The following LAMA2 variants were observed in gnomAD, a reference collection of about 807,000 sequenced individuals.
LAMA2 encodes the protein laminin subunit alpha 2.
Under a neutral mutation model 364.8 loss-of-function variants are expected in LAMA2, and 269 were observed. That is an observed-to-expected ratio of 0.74 (90% CI 0.67 to 0.82). The LOEUF (loss-of-function observed/expected upper bound fraction) is 0.82, where lower values mean the gene tolerates loss of function less well. Among genes scored for constraint, LAMA2 ranks in the 40% least tolerant of loss-of-function variants. The pLI is 0.00. For synonymous variants in LAMA2, 1,379 were observed against 1,370.6 expected (o/e 1.01, Z -0.14); for missense variants, 3,807 against 3,873.2 (o/e 0.98, Z 0.45).
intron 3 of LAMA2, among the ~76,000 whole-genome samples, chr6:129,067,090 A>G (rs1317415478): frequency 6.6e-6 from 1 of 152,244 alleles, no homozygotes; most frequent in East Asian, 1.9e-4. Flanking sequence ...ACTGAAACAC[A>G]TCTGGATAAC....
At chr6:129,472,841 T>C (rs1381681908) in intron 51 of LAMA2, among the ~76,000 whole-genome samples, 1 of 152,022 alleles carries the variant, frequency 6.6e-6, no homozygotes, top group Non-Finnish European at 1.5e-5. Flanking sequence ...TAATTAATTA[T>C]CTGATTCCTA....
chr6:129,508,418 A>T (rs919822785), intron 62 of LAMA2, among the ~76,000 whole-genome samples: 31 of 95,532 alleles, frequency 3.2e-4, no homozygotes, highest in East Asian at 6.8e-4. Flanking sequence ...ATGTACAATT[A>T]TTTTTTTTTT....
chr6:129,060,024 A>G (rs1439755479), intron 3 of LAMA2, 128 bp downstream of exon 3: 10 of 695,146 alleles, frequency 1.4e-5, no homozygotes, highest in Non-Finnish European at 2.7e-5. Flanking sequence ...TCTTGATAAG[A>G]TGAACAAAGG....
chr6:129,035,714 C>T (rs775475060), intron 1 of LAMA2, among the ~76,000 whole-genome samples: 11 of 151,778 alleles, frequency 7.2e-5, no homozygotes, highest in South Asian at 2.1e-4. Context: ...TTCATTCTTC[C>T]GCTAGCCAGT....
chr6:128,971,725 C>G (rs1471419800), intron 1 of LAMA2, among the ~76,000 whole-genome samples: 2 of 152,136 alleles, frequency 1.3e-5, no homozygotes, highest in Admixed American at 6.5e-5. Flanking sequence ...TAAAGTTGAG[C>G]CTCAGACTGA....
At chr6:129,372,093 A>G (rs1778121238) in intron 34 of LAMA2, among the ~76,000 whole-genome samples, 1 of 151,996 alleles carries the variant, frequency 6.6e-6, no homozygotes, top group South Asian at 2.1e-4. Flanking sequence ...TGCCCCCACA[A>G]CCTTCCCCAC....
In LAMA2 at chr6:129,260,798, AG is replaced by A. The variant is rs2114320699; in HGVS notation, c.2187del (p.Tyr730IlefsTer45). ...AAVEVCQCPPGYTGSSCESCW... is the reference protein window; with the variant it reads ...AAVEVCQCPPXYTGSSCESCW... ...CTGTAGAAGTGTGTCAGTGCCCACC[AG>A]GGTATACTGGCTCCTCTTGTGAAGT... On this transcript the variant is annotated frameshift_variant, in exon 15 of 65. Coordinates refer to ENST00000421865, the MANE Select transcript of LAMA2 (RefSeq NM_000426.4). LOFTEE classifies it high-confidence loss of function. 1 of 1,607,262 alleles carries A rather than the reference AG, an allele frequency of 6.2e-7. No homozygotes were observed. Among genetic ancestry groups the A allele is most frequent in the Non-Finnish European group, 8.5e-7 (1 of 1,173,902 alleles).
chr6:129,257,120 C>G (rs953846911), intron 14 of LAMA2, among the ~76,000 whole-genome samples: 1 of 151,824 alleles, frequency 6.6e-6, no homozygotes, highest in Non-Finnish European at 1.5e-5. Context: ...ATAGCTCATG[C>G]ATCTCTAAAA....
chr6:129,435,812 T>C (rs1005185150), intron 41 of LAMA2, among the ~76,000 whole-genome samples: 24 of 152,170 alleles, frequency 1.6e-4, no homozygotes, highest in African/African-American at 5.1e-4. Flanking sequence ...TTCAGAATCC[T>C]CCATCTATCC....
chr6:128,912,477 T>C (rs774012667), intron 1 of LAMA2, among the ~76,000 whole-genome samples: 1 of 152,166 alleles, frequency 6.6e-6, no homozygotes, highest in Non-Finnish European at 1.5e-5. Context: ...TAAAACAGAG[T>C]AAGTATATTT....
chr6:129,093,215 T>A (rs1225754197), intron 3 of LAMA2, among the ~76,000 whole-genome samples: 1 of 151,594 alleles, frequency 6.6e-6, no homozygotes, highest in South Asian at 2.1e-4. Flanking sequence ...GGTCTCGAAC[T>A]CCTGACATCG....
chr6:129,343,755 G>T (rs1776395185), intron 30 of LAMA2, among the ~76,000 whole-genome samples: 1 of 152,096 alleles, frequency 6.6e-6, no homozygotes, highest in African/African-American at 2.4e-5. Context: ...GTGTTAAGGG[G>T]TATCAACTTA....
intron 1 of LAMA2, among the ~76,000 whole-genome samples, chr6:129,037,355 A>T (rs1423095675): frequency 6.6e-6 from 1 of 152,168 alleles, no homozygotes; most frequent in Non-Finnish European, 1.5e-5. Flanking sequence ...AGGATCAGCC[A>T]TGTATTATTG....
intron 56 of LAMA2, among the ~76,000 whole-genome samples, chr6:129,488,242 A>G (rs1350312563): frequency 1.3e-5 from 2 of 152,130 alleles, no homozygotes; most frequent in Non-Finnish European, 2.9e-5. Context: ...CCAGGGGGAC[A>G]GAGGTTTCAG....
chr6:129,366,034 T>C (rs890692006), intron 32 of LAMA2, among the ~76,000 whole-genome samples, 185 bp from the exon 33 acceptor site: 14 of 152,234 alleles, frequency 9.2e-5, no homozygotes, highest in African/African-American at 3.4e-4. Context: ...ATATCTGTTC[T>C]TTTGTTGTTG....
intron 7 of LAMA2, among the ~76,000 whole-genome samples, chr6:129,152,983 T>TACAC (rs570778444): frequency 4.0e-5 from 6 of 149,926 alleles, no homozygotes; most frequent in East Asian, 3.9e-4. Flanking sequence ...CAAGCACACC[T>TACAC]ACACACACAC....
At chr6:129,279,885 A>G (rs1172057336) in intron 17 of LAMA2, among the ~76,000 whole-genome samples, 176 bp from the exon 18 acceptor site, 1 of 152,186 alleles carries the variant, frequency 6.6e-6, no homozygotes, top group Non-Finnish European at 1.5e-5. Context: ...CTGCAGAAAT[A>G]GCAATGTCAT....
rs563415778 is a variant in LAMA2 at position 129,030,577 on chromosome 6, G to T, written c.113-19341G>T. Reference sequence around the variant, plus strand: ...TGTTGGAAGACTCAAGGGATAAAGTGAAAATGCTTTGTAGAGTTCAGTGCT... The same window carrying T: ...TGTTGGAAGACTCAAGGGATAAAGTTAAAATGCTTTGTAGAGTTCAGTGCT... On this transcript the variant is annotated intron_variant, in intron 1 of 64. Coordinates refer to ENST00000421865, the MANE Select transcript of LAMA2 (RefSeq NM_000426.4). 9.2e-5 allele frequency among the ~76,000 whole-genome samples: 14 copies of T among 152,222 alleles called. No individual in the cohort carries two copies. In the South Asian group the frequency reaches 2.9e-3, roughly 32 times the overall value.
chr6:129,473,381 A>G, intron 52 of LAMA2, 29 bp downstream of exon 52: 1 of 1,602,178 alleles, frequency 6.2e-7, no homozygotes, highest in Non-Finnish European at 8.5e-7. Flanking sequence ...AAAGCTAAGG[A>G]TTAAGTTTTA....
Sources: gnomAD v4.1 joint callset for allele counts (sites outside exome capture counted in the v4.1 genomes callset) on GRCh38, gnomAD v4.1.1 for gene constraint, MANE v1.5 for transcripts, NCBI Gene and HGNC (gene_info 2026-07-23, HGNC 2026-07-21) for gene names.